KCNJ6: variants seen among roughly 807,000 people sequenced by gnomAD.
KCNJ6 encodes G protein-activated inward rectifier potassium channel 2.
In KCNJ6, 9 loss-of-function variants were observed where a neutral mutation model predicts 34.2. That is an observed-to-expected ratio of 0.26 (90% CI 0.16 to 0.46). KCNJ6 has a LOEUF of 0.46. KCNJ6 is among the 20% of genes least tolerant of loss of function. The probability of loss-of-function intolerance (pLI) is 1.00; values close to 1 mark genes in which losing one functional copy is unlikely to be tolerated. For synonymous variants in KCNJ6, 196 were observed against 207.1 expected, an observed-to-expected ratio of 0.95 and a Z score of 0.46; for missense variants, 236 against 531.3, an observed-to-expected ratio of 0.44 and a Z score of 5.46.
At chr21:37,764,622 A>G (rs1214210838) in intron 2 of KCNJ6, among the ~76,000 whole-genome samples, 2 of 152,108 alleles carry the variant, frequency 1.3e-5, no homozygotes, top group African/African-American at 4.8e-5. Flanking sequence ...CAGGTGATCC[A>G]CCCACCTCAG....
intron 2 of KCNJ6, among the ~76,000 whole-genome samples, chr21:37,802,909 A>T (rs2055276029): frequency 6.6e-6 from 1 of 152,166 alleles, no homozygotes; most frequent in Non-Finnish European, 1.5e-5. Flanking sequence ...CACTGCAGGT[A>T]TAAATAAATA....
intron 3 of KCNJ6, among the ~76,000 whole-genome samples, chr21:37,684,234 C>A (rs190983581): frequency 8.5e-5 from 13 of 152,108 alleles, no homozygotes; most frequent in African/African-American, 2.9e-4. Context: ...GCCTCTCCCC[C>A]GGGTTATGGT....
intron 2 of KCNJ6, among the ~76,000 whole-genome samples, chr21:37,825,977 A>G (rs796119246): frequency 2.6e-5 from 4 of 152,232 alleles, no homozygotes; most frequent in African/African-American, 9.6e-5. Flanking sequence ...GCTACAATTC[A>G]AGATGAGATT....
At chr21:37,863,859 TG>T (rs774943826) in intron 1 of KCNJ6, among the ~76,000 whole-genome samples, 4,367 of 40,682 alleles carry the variant, frequency 0.11, 189 homozygotes, top group East Asian at 0.19. Flanking sequence ...TTTTTTTTTT[TG>T]TTTTTTTTTT....
chr21:37,907,234 T>C (rs548145011), intron 1 of KCNJ6, among the ~76,000 whole-genome samples: 31 of 152,324 alleles, frequency 2.0e-4, no homozygotes, highest in African/African-American at 7.5e-4. Flanking sequence ...CCCTTCCTCT[T>C]AGTCATGTGA....
At chr21:37,712,366 G>A (rs1431472948) in intron 3 of KCNJ6, among the ~76,000 whole-genome samples, 1 of 152,074 alleles carries the variant, frequency 6.6e-6, no homozygotes, top group Non-Finnish European at 1.5e-5. Flanking sequence ...GAGTCCCTGT[G>A]CTCAGCTGAG....
intron 3 of KCNJ6, among the ~76,000 whole-genome samples, chr21:37,655,223 GTGAGAGAGAGAGAGAGAGAGAGAGA>G (rs2054456262): frequency 9.8e-5 from 1 of 10,158 alleles, no homozygotes; most frequent in African/African-American, 1.6e-4. Context: ...GTGTGTGTGT[GTGAGAGAGAGAGAGAGAGAGAGAGA>G]GAGAGAGAGA....
intron 1 of KCNJ6, among the ~76,000 whole-genome samples, chr21:37,852,658 T>TA (rs2055543510): frequency 6.6e-6 from 1 of 152,172 alleles, no homozygotes; most frequent in South Asian, 2.1e-4. Context: ...TAGGTTTCAG[T>TA]AAAAAATTAC....
At position 37,682,985 on chromosome 21, in the gene KCNJ6, T is replaced by G. The variant is rs1783049; in HGVS notation, c.946+31226A>C. Among the ~76,000 whole-genome samples the G allele has an allele frequency of 2.6e-5, 4 of 152,298 alleles. No homozygotes were observed. The South Asian group carries it at 8.3e-4, about 32-fold the overall frequency. Reference sequence around the variant, plus strand: ...CTGCCAGTTAGTGGGGAACCGCGCTTCGGCCAAATCAGAGCTGGAACATTC... The same window carrying G: ...CTGCCAGTTAGTGGGGAACCGCGCTGCGGCCAAATCAGAGCTGGAACATTC... On this transcript the variant is annotated intron_variant, in intron 3 of 3. Coordinates refer to ENST00000609713, the MANE Select transcript of KCNJ6 (RefSeq NM_002240.5).
chr21:37,654,624 T>C (rs1313251971), intron 3 of KCNJ6, among the ~76,000 whole-genome samples: 1 of 152,012 alleles, frequency 6.6e-6, no homozygotes, highest in African/African-American at 2.4e-5. Flanking sequence ...CATTTTAATG[T>C]CTCCGTTGAG....
chr21:37,669,815 ATGT>A (rs932916006), intron 3 of KCNJ6, among the ~76,000 whole-genome samples: 22 of 152,230 alleles, frequency 1.4e-4, no homozygotes, highest in African/African-American at 5.3e-4. Flanking sequence ...CCCATTCTGT[ATGT>A]TGTCTTTCAC....
In KCNJ6 at chr21:37,662,184, C is replaced by T. The variant is rs539510342; in HGVS notation, c.947-36700G>A. 2.0e-5 allele frequency among the ~76,000 whole-genome samples: 3 copies of T among 152,192 alleles called. No homozygotes were observed. In the South Asian group the frequency reaches 6.2e-4, roughly 32 times the overall value. On this transcript the variant is annotated intron_variant, in intron 3 of 3. Transcript: ENST00000609713. ...AAATGTGTGCCATGGTGGTTTGCTG[C>T]ATCTATCAACCCATCACCTAGGTAC... is the stretch of plus-strand genomic sequence containing the variant.
chr21:37,701,829 A>G (rs961259389), intron 3 of KCNJ6, among the ~76,000 whole-genome samples: 2 of 152,196 alleles, frequency 1.3e-5, no homozygotes, highest in Non-Finnish European at 2.9e-5. Flanking sequence ...ACAAGCAGGC[A>G]GGAGCCAGGC....
At chr21:37,660,557 T>C (rs1305683303) in intron 3 of KCNJ6, among the ~76,000 whole-genome samples, 1 of 152,226 alleles carries the variant, frequency 6.6e-6, no homozygotes, top group African/African-American at 2.4e-5. Context: ...ACAGAATGCA[T>C]TGTTCCCATA....
At chr21:37,845,174 GA>G in intron 1 of KCNJ6, among the ~76,000 whole-genome samples, 1 of 152,322 alleles carries the variant, frequency 6.6e-6, no homozygotes, top group East Asian at 1.9e-4. Flanking sequence ...GAAAAAGACA[GA>G]TATATTTGTT....
chr21:37,877,190 A>T (rs2055683087), intron 1 of KCNJ6, among the ~76,000 whole-genome samples: 1 of 152,196 alleles, frequency 6.6e-6, no homozygotes, highest in Non-Finnish European at 1.5e-5. Context: ...GCAAACTCTG[A>T]TTTAATCACA....
intron 2 of KCNJ6, among the ~76,000 whole-genome samples, chr21:37,747,843 T>G (rs1029337265): frequency 1.3e-5 from 2 of 152,196 alleles, no homozygotes; most frequent in Non-Finnish European, 2.9e-5. Context: ...GAGTTAGACT[T>G]CTAACCCGCA....
intron 2 of KCNJ6, among the ~76,000 whole-genome samples, chr21:37,839,372 T>A (rs993752864): frequency 2.0e-5 from 3 of 152,214 alleles, no homozygotes; most frequent in African/African-American, 7.2e-5. Flanking sequence ...TCAAGACTTA[T>A]GTAAAATTAC....
chr21:37,713,019 C>G (rs1211222789), intron 3 of KCNJ6, among the ~76,000 whole-genome samples: 2 of 152,210 alleles, frequency 1.3e-5, no homozygotes, highest in East Asian at 3.9e-4. Flanking sequence ...CCTTTACTCA[C>G]GTTTTCACTG....
Sources: gnomAD v4.1 joint callset for allele counts (sites outside exome capture counted in the v4.1 genomes callset) on GRCh38, gnomAD v4.1.1 for gene constraint, MANE v1.5 for transcripts, NCBI Gene and HGNC (gene_info 2026-07-23, HGNC 2026-07-21) for gene names.